The following GRIA4 variants were observed in gnomAD, a reference collection of about 807,000 sequenced individuals.
The protein encoded by GRIA4 is glutamate receptor 4.
GRIA4 carries 34 observed loss-of-function variants against 104.0 expected under a neutral mutation model. That is an observed-to-expected ratio of 0.33 (90% CI 0.25 to 0.44). The LOEUF (loss-of-function observed/expected upper bound fraction) is 0.44. GRIA4 is among the 20% of genes least tolerant of loss of function. The pLI, the probability that GRIA4 is intolerant of heterozygous loss-of-function variation, is 1.00. For missense variants in GRIA4, 750 were observed against 1,096.5 expected (o/e 0.68, Z 4.46); for synonymous variants, 386 against 381.9 (o/e 1.01, Z -0.13).
At chr11:105,792,010 A>C (rs1942234237) in intron 4 of GRIA4, among the ~76,000 whole-genome samples, 1 of 152,186 alleles carries the variant, frequency 6.6e-6, no homozygotes, top group Admixed American at 6.6e-5. Flanking sequence ...CAGCAATATC[A>C]CTTACCCTTA....
chr11:105,622,812 T>A (rs1950783460), intron 3 of GRIA4, among the ~76,000 whole-genome samples: 2 of 151,756 alleles, frequency 1.3e-5, no homozygotes, highest in Admixed American at 1.3e-4. Context: ...ACTCATTAAG[T>A]AATTTATCAT....
At chr11:105,912,269 T>C in intron 10 of GRIA4, 2 of 975,714 alleles carry the variant, frequency 2.0e-6, no homozygotes, top group Non-Finnish European at 2.4e-6. Flanking sequence ...GTGTGCTTGT[T>C]TTCTGAATAT....
chr11:105,933,969 G>A lies in GRIA4; in HGVS notation c.2294G>A (p.Arg765Lys). Residue 765 changes from arginine to lysine, a missense_variant and splice_region_variant, in exon 14 of 17, where the codon AGA becomes AAA. Coordinates refer to ENST00000282499, the MANE Select transcript of GRIA4 (RefSeq NM_000829.4). Reference sequence around the variant, plus strand: ...GCAACGCCCAAGGGTTCCTCATTAAGGTGGGTGGAATAGTATAACAATATA... The same window carrying A: ...GCAACGCCCAAGGGTTCCTCATTAAAGTGGGTGGAATAGTATAACAATATA... ...GVATPKGSSL[R>K]TPVNLAVLKL... 1 of 1,610,490 alleles carries A rather than the reference G, an allele frequency of 6.2e-7. No homozygotes were observed.
At position 105,877,989 on chromosome 11, in the gene GRIA4, G is replaced by T. The variant is rs568728706; in HGVS notation, c.673-9530G>T. On this transcript the variant is annotated intron_variant, in intron 5 of 16. Coordinates refer to ENST00000282499, the MANE Select transcript of GRIA4 (RefSeq NM_000829.4). Reference sequence around the variant, plus strand: ...TGTGATCCTTTGGAGGAGAAGAGGCGTTCTGGTTTTTGGAATTTTCAGCCT... The same window carrying T: ...TGTGATCCTTTGGAGGAGAAGAGGCTTTCTGGTTTTTGGAATTTTCAGCCT... Among the ~76,000 whole-genome samples the T allele has an allele frequency of 1.5e-4, 23 of 152,218 alleles. 1 individual carries two copies. The South Asian group carries it at 4.6e-3, about 30-fold the overall frequency.
intron 13 of GRIA4, among the ~76,000 whole-genome samples, chr11:105,929,655 G>T (rs1445653111): frequency 6.6e-6 from 1 of 152,078 alleles, no homozygotes; most frequent in Non-Finnish European, 1.5e-5. Flanking sequence ...CTATCTCAGG[G>T]TTTATGATAT....
rs570834754 is a variant in GRIA4, at chr11:105,865,894, T to C, written c.672+3686T>C. On this transcript the variant is annotated intron_variant, in intron 5 of 16. Transcript: ENST00000282499. ...TGGTTGCTCACACATTTTACTCCAC[T>C]GTGATAAAAACCCAAGGGTCCAGCA... Among the ~76,000 whole-genome samples, 8 of 152,312 alleles carry C rather than the reference T, an allele frequency of 5.3e-5. No homozygotes were observed. The South Asian group carries it at 1.7e-3, about 32-fold the overall frequency.
intron 4 of GRIA4, among the ~76,000 whole-genome samples, chr11:105,779,663 T>C (rs1191037314): frequency 1.3e-5 from 2 of 151,666 alleles, no homozygotes; most frequent in Non-Finnish European, 2.9e-5. Flanking sequence ...AAAAAACTAC[T>C]TGAAAGTTCA....
chr11:105,649,198 T>C (rs1461836689), intron 3 of GRIA4, among the ~76,000 whole-genome samples: 1 of 152,012 alleles, frequency 6.6e-6, no homozygotes, highest in Non-Finnish European at 1.5e-5. Context: ...TAGGAAGAAA[T>C]CAATAGAAAT....
chr11:105,862,053 A>G lies in GRIA4; in HGVS notation c.517A>G (p.Lys173Glu). 5 of 1,612,660 alleles carry G rather than the reference A, an allele frequency of 3.1e-6. No individual in the cohort carries two copies. Among genetic ancestry groups the G allele is most frequent in the Non-Finnish European group, 4.2e-6 (5 of 1,178,926 alleles). ...CTCGATACTCCAAGCTATTATGGAA[A>G]AAGCAGGACAAAATGGTTGGCATGT... ...GYSILQAIMEKAGQNGWHVSA... is the reference protein window; with the variant it reads ...GYSILQAIMEEAGQNGWHVSA... The change falls in exon 5 of 17, where the codon AAA becomes GAA. Residue 173 changes from lysine to glutamate, a missense_variant. By Grantham distance (56) the Lys-to-Glu change is moderately conservative. Transcript: ENST00000282499.
intron 16 of GRIA4, among the ~76,000 whole-genome samples, chr11:105,977,564 T>C (rs1859048899): frequency 6.6e-6 from 1 of 152,052 alleles, no homozygotes; most frequent in Non-Finnish European, 1.5e-5. Context: ...GTATTCCATA[T>C]AGTTAGGCAC....
chr11:105,623,598 T>C (rs999917578), intron 3 of GRIA4, among the ~76,000 whole-genome samples: 1 of 152,050 alleles, frequency 6.6e-6, no homozygotes, highest in African/African-American at 2.4e-5. Flanking sequence ...TTCCCTTTTA[T>C]TGGACTCCTC....
At chr11:105,892,196 TA>T (rs1220005027) in intron 6 of GRIA4, among the ~76,000 whole-genome samples, 6 of 152,102 alleles carry the variant, frequency 3.9e-5, no homozygotes, top group Admixed American at 2.0e-4. Flanking sequence ...GACCTAATAT[TA>T]AACACATTGC....
In GRIA4 at chr11:105,741,917, G is replaced by T. The variant is rs187767483; in HGVS notation, c.248-11064G>T. On this transcript the variant is annotated intron_variant, in intron 3 of 16. Transcript: ENST00000282499. ...GTACAAACTTGCAGTTATGTAGGAT[G>T]AATAAGTCGTATGGCATGAGGACTA... Among the ~76,000 whole-genome samples, 138 of 152,246 alleles carry T rather than the reference G, an allele frequency of 9.1e-4. No homozygotes were observed. The Middle Eastern group carries it at 0.01, about 11-fold the overall frequency.
At chr11:105,661,867 TTG>T (rs1369949836) in intron 3 of GRIA4, among the ~76,000 whole-genome samples, 1 of 151,858 alleles carries the variant, frequency 6.6e-6, no homozygotes, top group African/African-American at 2.4e-5. Context: ...TACATATTTT[TTG>T]TTTTTTCTTA....
intron 14 of GRIA4, among the ~76,000 whole-genome samples, chr11:105,966,632 G>A (rs1858381438): frequency 6.6e-6 from 1 of 152,056 alleles, no homozygotes; most frequent in Admixed American, 6.5e-5. Context: ...AAATGATCAG[G>A]AAACAAAAAT....
chr11:105,748,586 T>G (rs1452566043), intron 3 of GRIA4, among the ~76,000 whole-genome samples: 1 of 152,112 alleles, frequency 6.6e-6, no homozygotes. Context: ...GTTTTCACCA[T>G]GTTGGCCAGG....
At chr11:105,842,951 C>T (rs1944449760) in intron 4 of GRIA4, 1 of 152,142 alleles carries the variant, frequency 6.6e-6, no homozygotes, top group Non-Finnish European at 1.5e-5. Flanking sequence ...AATAGAAACT[C>T]AGAAACTTAT....
chr11:105,979,276 A>G (rs1859152519), intron 16 of GRIA4, among the ~76,000 whole-genome samples: 1 of 152,236 alleles, frequency 6.6e-6, no homozygotes, highest in South Asian at 2.1e-4. Context: ...GTACTAAGAT[A>G]TACAGTGCAG....
At chr11:105,925,601 G>A (rs1947683601) in intron 12 of GRIA4, among the ~76,000 whole-genome samples, 1 of 152,040 alleles carries the variant, frequency 6.6e-6, no homozygotes, top group Admixed American at 6.6e-5. Context: ...TGCAATTTGT[G>A]TTTCTTAAGA....
Sources: allele counts gnomAD v4.1 joint callset (sites outside exome capture counted in the v4.1 genomes callset), GRCh38; gene constraint gnomAD v4.1.1; transcripts MANE v1.5; gene names NCBI Gene and HGNC (gene_info 2026-07-23, HGNC 2026-07-21).